Variants in SLC24A2 observed in about 807,000 individuals in gnomAD.
The protein encoded by SLC24A2 is solute carrier family 24 member 2.
SLC24A2 carries 36 observed loss-of-function variants against 62.0 expected under a neutral mutation model. That is an observed-to-expected ratio of 0.58 (90% CI 0.44 to 0.77). The LOEUF is 0.77. SLC24A2 is among the 30% of genes least tolerant of loss of function. SLC24A2 has a pLI of 0.00. For missense variants in SLC24A2, 846 were observed against 817.9 expected, an observed-to-expected ratio of 1.03 and a Z score of -0.42; for synonymous variants, 358 against 294.0, an observed-to-expected ratio of 1.22 and a Z score of -2.23.
the SLC24A2 span, among the ~76,000 whole-genome samples, chr9:20,137,862 T>C: frequency 6.6e-6 from 1 of 152,222 alleles, no homozygotes; most frequent in Admixed American, 6.5e-5. Flanking sequence ...TCAGAAAACA[T>C]ATCTCACTCA....
At position 19,636,367 on chromosome 9, in the gene SLC24A2, CTT is replaced by C. The variant is rs1439097481; in HGVS notation, c.931-14070_931-14069del. Among the ~76,000 whole-genome samples the C allele has an allele frequency of 2.0e-3, 70 of 35,188 alleles. 10 individuals are homozygous for C. Among genetic ancestry groups the C allele is most frequent in the Middle Eastern group, 0.025 (2 of 80 alleles). The allele number at this position is 35,188 out of a possible 152,430, so 23.1% of individuals were successfully genotyped here. On this transcript the variant is annotated intron_variant, in intron 2 of 10. Transcript: ENST00000341998. ...TCTTTCTTTCTTTCTTTCTTTCTTTCTTTCTTTCTTTCTTTCTTTCTCCCTCT... is the reference window on the plus strand; with the variant it reads ...TCTTTCTTTCTTTCTTTCTTTCTTTCTCTTTCTTTCTTTCTTTCTCCCTCT...
At chr9:20,280,416 C>T in the SLC24A2 span, among the ~76,000 whole-genome samples, 3 of 152,128 alleles carry the variant, frequency 2.0e-5, no homozygotes, top group Non-Finnish European at 2.9e-5. Context: ...GAAGAGGGCG[C>T]CATGAGCTAT....
the SLC24A2 span, among the ~76,000 whole-genome samples, chr9:19,912,433 G>A: frequency 2.0e-5 from 3 of 152,170 alleles, no homozygotes; most frequent in South Asian, 2.1e-4. Flanking sequence ...GGAAATCATC[G>A]GTTTCAGTAA....
the SLC24A2 span, among the ~76,000 whole-genome samples, chr9:20,179,143 G>C: frequency 6.6e-6 from 1 of 152,136 alleles, no homozygotes; most frequent in Non-Finnish European, 1.5e-5. Context: ...GTTGGGGGCA[G>C]CTGGAAGAGA....
At chr9:19,921,078 T>TG in the SLC24A2 span, among the ~76,000 whole-genome samples, 50,992 of 134,268 alleles carry the variant, frequency 0.38, 9,302 homozygotes, top group Middle Eastern at 0.54. Flanking sequence ...ATAATTATTA[T>TG]GGGGGGGGGG....
At chr9:20,112,264 G>A in the SLC24A2 span, among the ~76,000 whole-genome samples, 2 of 152,146 alleles carry the variant, frequency 1.3e-5, no homozygotes, top group African/African-American at 4.8e-5. Flanking sequence ...CACAATCCTC[G>A]ATAATTTTCG....
At chr9:19,968,280 G>C in the SLC24A2 span, among the ~76,000 whole-genome samples, 17 of 152,160 alleles carry the variant, frequency 1.1e-4, no homozygotes, top group Non-Finnish European at 1.5e-5. Context: ...AGAGTAATTT[G>C]ACTCTGAAAC....
chr9:19,528,977 G>A (rs1833563348), intron 8 of SLC24A2, among the ~76,000 whole-genome samples: 1 of 152,178 alleles, frequency 6.6e-6, no homozygotes, highest in South Asian at 2.1e-4. Flanking sequence ...CACTTGAAAT[G>A]CAGTGTTTCT....
At chr9:19,907,486 G>A in the SLC24A2 span, among the ~76,000 whole-genome samples, 3 of 152,158 alleles carry the variant, frequency 2.0e-5, no homozygotes, top group African/African-American at 7.2e-5. Context: ...GGGCAATCAG[G>A]CAGGAGAAGG....
intron 2 of SLC24A2, among the ~76,000 whole-genome samples, chr9:19,762,093 C>G (rs1822351723): frequency 6.6e-6 from 1 of 152,050 alleles, no homozygotes; most frequent in Non-Finnish European, 1.5e-5. Context: ...TTTACAGTCC[C>G]ACCAAGAGTG....
chr9:20,188,045 C>T, the SLC24A2 span, among the ~76,000 whole-genome samples: 7 of 152,242 alleles, frequency 4.6e-5, no homozygotes, highest in Admixed American at 1.3e-4. Context: ...CTGAATTTGG[C>T]ATCATGCCTG....
At chr9:19,867,476 C>T in the SLC24A2 span, among the ~76,000 whole-genome samples, 707 of 152,206 alleles carry the variant, frequency 4.6e-3, 6 homozygotes, top group African/African-American at 0.016. Flanking sequence ...ATACAATTGT[C>T]GTAATATTCC....
the SLC24A2 span, among the ~76,000 whole-genome samples, chr9:20,266,317 G>C: frequency 6.6e-6 from 1 of 152,044 alleles, no homozygotes; most frequent in African/African-American, 2.4e-5. Flanking sequence ...TCTCTCTTTT[G>C]TACTCTGTCC....
At chr9:20,033,445 T>A in the SLC24A2 span, among the ~76,000 whole-genome samples, 1 of 150,562 alleles carries the variant, frequency 6.6e-6, no homozygotes, top group African/African-American at 2.4e-5. Context: ...AATTGGAAAA[T>A]ACTGGTCTTA....
chr9:19,956,711 C>T, the SLC24A2 span, among the ~76,000 whole-genome samples: 1 of 152,150 alleles, frequency 6.6e-6, no homozygotes, highest in African/African-American at 2.4e-5. Context: ...GACCCGCCTC[C>T]ATGATTCAAT....
intron 5 of SLC24A2, among the ~76,000 whole-genome samples, chr9:19,591,042 C>T (rs999949229): frequency 4.6e-5 from 7 of 152,176 alleles, no homozygotes; most frequent in Non-Finnish European, 8.8e-5. Flanking sequence ...CTGGGCCTCC[C>T]CTTTTTTCCC....
chr9:19,999,298 C>T, the SLC24A2 span, among the ~76,000 whole-genome samples: 1 of 152,200 alleles, frequency 6.6e-6, no homozygotes, highest in East Asian at 1.9e-4. Context: ...GTATTGAAAA[C>T]CACACTGAGT....
chr9:20,275,395 T>A, the SLC24A2 span, among the ~76,000 whole-genome samples: 50,739 of 152,112 alleles, frequency 0.33, 8,844 homozygotes, highest in South Asian at 0.42. Flanking sequence ...GGTTCTATTT[T>A]TTTGTGAAAA....
chr9:19,842,635 G>T, the SLC24A2 span, among the ~76,000 whole-genome samples: 1 of 152,188 alleles, frequency 6.6e-6, no homozygotes, highest in Non-Finnish European at 1.5e-5. Flanking sequence ...GTCTCCAAGG[G>T]GGGGATGTTC....
Sources: gnomAD v4.1 joint callset for allele counts (sites outside exome capture counted in the v4.1 genomes callset) on GRCh38, gnomAD v4.1.1 for gene constraint, MANE v1.5 for transcripts, NCBI Gene and HGNC (gene_info 2026-07-23, HGNC 2026-07-21) for gene names.